The following COG5 variants were observed in gnomAD, a reference collection of about 807,000 sequenced individuals.
The protein encoded by COG5 is component of oligomeric golgi complex 5.
Under a neutral mutation model 110.4 loss-of-function variants are expected in COG5, and 86 were observed. The observed-to-expected ratio is 0.78, with a 90% CI of 0.65 to 0.93. COG5 has a LOEUF of 0.93. Among genes scored for constraint, COG5 ranks in the 40% least tolerant of loss-of-function variants. The pLI, the probability that COG5 is intolerant of heterozygous loss-of-function variation, is 0.00. For missense variants in COG5, 1,077 were observed against 987.0 expected (o/e 1.09, Z -1.22); for synonymous variants, 360 against 334.6 (o/e 1.08, Z -0.83).
At chr7:107,440,365 T>C (rs1794634380) in intron 6 of COG5, among the ~76,000 whole-genome samples, 1 of 152,144 alleles carries the variant, frequency 6.6e-6, no homozygotes, top group Non-Finnish European at 1.5e-5. Flanking sequence ...TAGGATAGTT[T>C]AGTTTTGGTT....
In COG5 at chr7:107,258,286, T is replaced by C. The variant is rs755381801; in HGVS notation, c.1673A>G (p.Gln558Arg). 4 of 1,601,828 alleles carry C rather than the reference T, an allele frequency of 2.5e-6. No individual in the cohort carries two copies. The highest frequency in any genetic ancestry group is 3.4e-6 in the Non-Finnish European group (4 of 1,168,914). ...TAAAATAGTTACCTTTGTTACTGAT[T>C]GGTGCAACTTATACAATGAATTCAC... ...AVVNSLYKLH[Q>R]SVTKVVSSQS... The change falls in exon 15 of 22, where the codon CAA becomes CGA. Residue 558 changes from glutamine to arginine, a missense_variant. Transcript: ENST00000297135.
At chr7:107,256,669 T>A in intron 16 of COG5, 63 bp downstream of exon 16, 1 of 1,098,102 alleles carries the variant, frequency 9.1e-7, no homozygotes, top group Non-Finnish European at 1.4e-6. Flanking sequence ...CATTGCCCAC[T>A]CAGCAAAACA....
intron 6 of COG5, among the ~76,000 whole-genome samples, chr7:107,516,124 C>T (rs562105417): frequency 6.6e-6 from 1 of 152,312 alleles, no homozygotes; most frequent in South Asian, 2.1e-4. Context: ...ACATAATAAC[C>T]TGCATTAAAA....
intron 6 of COG5, among the ~76,000 whole-genome samples, chr7:107,420,238 A>T (rs1277942545): frequency 6.6e-6 from 1 of 152,218 alleles, no homozygotes; most frequent in Admixed American, 6.5e-5. Context: ...AGTGAAGATT[A>T]AAAAACCTGT....
chr7:107,516,990 C>A (rs778534159), intron 6 of COG5, among the ~76,000 whole-genome samples: 12 of 152,162 alleles, frequency 7.9e-5, no homozygotes, highest in Admixed American at 4.6e-4. Flanking sequence ...GGGCGCAGAA[C>A]TGGACGGAGG....
intron 6 of COG5, among the ~76,000 whole-genome samples, chr7:107,423,184 C>A (rs535977228): frequency 7.2e-5 from 11 of 151,766 alleles, no homozygotes; most frequent in African/African-American, 1.2e-4. Flanking sequence ...GTTCATCAGT[C>A]TTCTAGATAA....
chr7:107,224,038 AAAC>A (rs1351278039), intron 19 of COG5, among the ~76,000 whole-genome samples: 2 of 152,248 alleles, frequency 1.3e-5, no homozygotes, highest in African/African-American at 4.8e-5. Context: ...AAGAGCAACA[AAAC>A]AACTAAGTCC....
At chr7:107,229,920 G>T (rs1329961795) in intron 19 of COG5, among the ~76,000 whole-genome samples, 1 of 145,708 alleles carries the variant, frequency 6.9e-6, no homozygotes, top group Non-Finnish European at 1.5e-5. Flanking sequence ...GCGTGATCTC[G>T]GCTCACTGCA....
intron 7 of COG5, among the ~76,000 whole-genome samples, chr7:107,398,440 A>G (rs1490539545): frequency 1.3e-5 from 2 of 152,214 alleles, no homozygotes; most frequent in Non-Finnish European, 2.9e-5. Context: ...GATCAGCAGC[A>G]GCGTTCGATT....
At chr7:107,452,996 T>C (rs560436518) in intron 6 of COG5, among the ~76,000 whole-genome samples, 1 of 152,328 alleles carries the variant, frequency 6.6e-6, no homozygotes, top group East Asian at 1.9e-4. Context: ...ACTTAATCTT[T>C]AGTACTGCAC....
intron 6 of COG5, among the ~76,000 whole-genome samples, chr7:107,484,925 G>A (rs1214642419): frequency 6.6e-6 from 1 of 152,042 alleles, no homozygotes; most frequent in Non-Finnish European, 1.5e-5. Context: ...GAGGAGGGTA[G>A]TACCTCCAAC....
intron 14 of COG5, among the ~76,000 whole-genome samples, chr7:107,272,245 A>C (rs113762613): frequency 6.6e-6 from 1 of 152,208 alleles, no homozygotes; most frequent in African/African-American, 2.4e-5. Context: ...AGATAAATGT[A>C]TATCTGATTG....
At chr7:107,285,207 G>A (rs554673606) in intron 12 of COG5, among the ~76,000 whole-genome samples, 2 of 152,168 alleles carry the variant, frequency 1.3e-5, no homozygotes, top group East Asian at 3.9e-4. Context: ...AATAATTTCT[G>A]TAATAGATGA....
chr7:107,289,127 C>T (rs1805946341), intron 12 of COG5, among the ~76,000 whole-genome samples: 2 of 151,200 alleles, frequency 1.3e-5, no homozygotes, highest in African/African-American at 2.4e-5. Context: ...AGACACTGTG[C>T]CCAGCCTTGT....
intron 6 of COG5, among the ~76,000 whole-genome samples, chr7:107,445,564 G>A (rs1463904883): frequency 6.6e-6 from 1 of 152,256 alleles, no homozygotes; most frequent in East Asian, 1.9e-4. Context: ...TTGGAAAATT[G>A]CCTTAATCTA....
intron 11 of COG5, among the ~76,000 whole-genome samples, chr7:107,320,759 A>T (rs1405798353): frequency 6.6e-6 from 1 of 152,212 alleles, no homozygotes; most frequent in Non-Finnish European, 1.5e-5. Context: ...GTCACACTGT[A>T]AAATGAGACC....
intron 10 of COG5, among the ~76,000 whole-genome samples, chr7:107,341,261 G>C (rs544229427): frequency 6.6e-6 from 1 of 152,150 alleles, no homozygotes; most frequent in South Asian, 2.1e-4. Context: ...AATGAAGAAT[G>C]TAATCCCATT....
chr7:107,472,157 C>T (rs1796673096), intron 6 of COG5: 1 of 151,916 alleles, frequency 6.6e-6, no homozygotes, highest in African/African-American at 2.4e-5. Flanking sequence ...CTTTTTAAAG[C>T]AAAACAAATA....
intron 11 of COG5, among the ~76,000 whole-genome samples, chr7:107,304,416 T>C (rs1807532934): frequency 6.6e-6 from 1 of 152,224 alleles, no homozygotes; most frequent in African/African-American, 2.4e-5. Flanking sequence ...TTTGTCTTAT[T>C]TTCCTCTGTG....
Sources: allele counts gnomAD v4.1 joint callset (sites outside exome capture counted in the v4.1 genomes callset), GRCh38; gene constraint gnomAD v4.1.1; transcripts MANE v1.5; gene names NCBI Gene and HGNC (gene_info 2026-07-23, HGNC 2026-07-21).